The following CAND2 variants were observed in gnomAD, a reference collection of about 807,000 sequenced individuals.
CAND2 encodes cullin-associated NEDD8-dissociated protein 2.
A neutral mutation model predicts 98.9 loss-of-function variants in CAND2; 62 were observed. That is an observed-to-expected ratio of 0.63 (90% CI 0.51 to 0.77). The LOEUF (loss-of-function observed/expected upper bound fraction) is 0.77, where lower values mean the gene tolerates loss of function less well. CAND2 is among the 30% of genes least tolerant of loss of function. CAND2 has a pLI of 0.00. For missense variants in CAND2, 1,501 were observed against 1,655.2 expected (o/e 0.91, Z 1.62); for synonymous variants, 770 against 731.9 (o/e 1.05, Z -0.84).
In CAND2 at chr3:12,797,686, G is replaced by A. The variant is rs1346997214; in HGVS notation, c.68+898G>A. On this transcript the variant is annotated intron_variant, in intron 1 of 14. Coordinates refer to ENST00000456430, the MANE Select transcript of CAND2 (RefSeq NM_001162499.2). ...CCCCTCCAGCTGAAAGAAGACCTTG[G>A]AGACTCAATGAACATTTTTTCACTT... 2.0e-5 allele frequency among the ~76,000 whole-genome samples: 3 copies of A among 152,162 alleles called. No individual in the cohort carries two copies. In the East Asian group the frequency reaches 5.8e-4, roughly 29 times the overall value.
At chr3:12,831,430 C>T (rs765470902) in intron 13 of CAND2, 35 bp from the exon 14 acceptor site, 8 of 1,558,346 alleles carry the variant, frequency 5.1e-6, no homozygotes, top group Non-Finnish European at 7.1e-6. Context: ...GCTCCTGCAC[C>T]ATTTCACTAA....
intron 11 of CAND2, 97 bp downstream of exon 11, chr3:12,820,278 G>A (rs2061946903): frequency 1.1e-6 from 1 of 869,770 alleles, no homozygotes; most frequent in Non-Finnish European, 1.8e-6. Flanking sequence ...AAGGGCAATG[G>A]GAGACCCGGG....
At chr3:12,831,281 T>C (rs2062051798) in intron 13 of CAND2, among the ~76,000 whole-genome samples, 184 bp from the exon 14 acceptor site, 1 of 152,052 alleles carries the variant, frequency 6.6e-6, no homozygotes, top group Non-Finnish European at 1.5e-5. Context: ...CAAGTGTAGT[T>C]GGCAAAGAAA....
Position 12,815,460 on chromosome 3 carries a change from A to AC in CAND2, c.1299+32dup. On this transcript the variant is annotated intron_variant, in intron 8 of 14. Transcript: ENST00000456430. This position sits in a 1 kb window ranked among gnomAD's most constrained non-coding sequence, Gnocchi z 5.7. ...TGGGCGTGCCTTCACCTCCACCCCT[A>AC]CCCCCGATTTGCCTACCCAGCCACT... 1 of 1,562,094 alleles carries AC rather than the reference A, an allele frequency of 6.4e-7. No homozygotes were observed. Among genetic ancestry groups the AC allele is most frequent in the South Asian group, 1.2e-5 (1 of 85,478 alleles).
chr3:12,820,176 T>G lies in CAND2; in HGVS notation c.3035T>G (p.Phe1012Cys), dbSNP rs1223290529. The change falls in exon 11 of 15, where the codon TTC becomes TGC. Residue 1012 changes from phenylalanine (F) to cysteine (C), a missense_variant. Physicochemically the swap from Phe to Cys is radical, Grantham distance 205. Coordinates refer to ENST00000456430, the MANE Select transcript of CAND2 (RefSeq NM_001162499.2). ...PHPIDPLLKS[F>C]IGEFMESLQD... is the part of the protein sequence containing the mutation. ...CCCATTGACCCCCTCCTGAAGAGCTTCATCGGTGAGCACCTACCTCTTGCC... is the reference window on the plus strand; with the variant it reads ...CCCATTGACCCCCTCCTGAAGAGCTGCATCGGTGAGCACCTACCTCTTGCC... 6.2e-7 allele frequency: 1 copy of G among 1,613,026 alleles called. No individual in the cohort carries two copies. Among genetic ancestry groups the G allele is most frequent in the Non-Finnish European group, 8.5e-7 (1 of 1,179,172 alleles).
chr3:12,796,984 C>T (rs1465029608), intron 1 of CAND2, among the ~76,000 whole-genome samples, 196 bp downstream of exon 1: 4 of 151,886 alleles, frequency 2.6e-5, no homozygotes, highest in African/African-American at 9.7e-5. Context: ...GGCCGTTCTC[C>T]CCTAGGGGCC....
intron 2 of CAND2, among the ~76,000 whole-genome samples, chr3:12,805,291 C>CTTT (rs1188131385): frequency 7.1e-6 from 1 of 140,536 alleles, no homozygotes; most frequent in South Asian, 2.3e-4. Flanking sequence ...TTTTTTTCTT[C>CTTT]TTTTTTTTTT....
intron 12 of CAND2, 92 bp downstream of exon 12, chr3:12,825,731 G>A: frequency 2.9e-6 from 4 of 1,363,188 alleles, no homozygotes; most frequent in Non-Finnish European, 4.0e-6. Flanking sequence ...ATCAGAGCAG[G>A]TGCCGGGGCC....
At chr3:12,805,944 G>T (rs567480322) in intron 2 of CAND2, among the ~76,000 whole-genome samples, 1 of 152,172 alleles carries the variant, frequency 6.6e-6, no homozygotes, top group East Asian at 1.9e-4. Flanking sequence ...AATTGCCAAG[G>T]TGGTATTACT....
intron 1 of CAND2, among the ~76,000 whole-genome samples, chr3:12,799,581 C>T (rs140154364): frequency 6.6e-6 from 1 of 152,244 alleles, no homozygotes; most frequent in East Asian, 1.9e-4. Context: ...GCTGTAAGTT[C>T]TGTTAAGGGC....
chr3:12,833,689 G>A, intron 14 of CAND2, 66 bp from the exon 15 acceptor site: 1 of 1,280,814 alleles, frequency 7.8e-7, no homozygotes. Context: ...CCAAAGACCA[G>A]TGAGGAGGCA....
At position 12,817,394 on chromosome 3, in the gene CAND2, G is replaced by A. The variant is rs767283334; in HGVS notation, c.2462G>A (p.Ser821Asn). The A allele has an allele frequency of 3.1e-6, 5 of 1,613,780 alleles. No individual in the cohort carries two copies. Among genetic ancestry groups the A allele is most frequent in the Non-Finnish European group, 4.2e-6 (5 of 1,180,032 alleles). The change falls in exon 10 of 15, where the codon AGC becomes AAC. Residue 821 changes from serine (S) to asparagine (N), a missense_variant. Physicochemically the swap from Ser to Asn is conservative, Grantham distance 46. Transcript: ENST00000456430. ...GCTGCCTGTCCCCAAGAGGCGGCAA[G>A]CACAGCCAGTCGCCTGGTCTGCGAT... ...LSAACPQEAA[S>N]TASRLVCDAR...
intron 12 of CAND2, among the ~76,000 whole-genome samples, chr3:12,825,918 C>T (rs1274399623): frequency 6.6e-6 from 1 of 152,212 alleles, no homozygotes; most frequent in East Asian, 1.9e-4. Context: ...TTCAGAACCA[C>T]CGCAGGCACA....
chr3:12,820,238 G>T lies in CAND2; in HGVS notation c.3040+57G>T, dbSNP rs766833111. On this transcript the variant is annotated intron_variant, in intron 11 of 14. Transcript: ENST00000456430. The stretch of plus-strand genomic sequence containing the variant: ...TTCAGTGCCCCCACCCAGTCCTTGA[G>T]CTTGGGCTGATGTTTACTACCCAAT... The T allele has an allele frequency of 4.4e-6, 6 of 1,354,890 alleles. No homozygotes were observed. In the East Asian group the frequency reaches 1.2e-4, roughly 26 times the overall value. The allele number at this position is 1,354,890 out of a possible 1,614,324, so 83.9% of individuals were successfully genotyped here.
At chr3:12,821,299 C>CT (rs1052930225) in intron 11 of CAND2, among the ~76,000 whole-genome samples, 1 of 151,810 alleles carries the variant, frequency 6.6e-6, no homozygotes, top group Non-Finnish European at 1.5e-5. Flanking sequence ...GTTTGAGAGA[C>CT]TGAGGCAAAA....
chr3:12,797,235 C>T (rs1177224923), intron 1 of CAND2, among the ~76,000 whole-genome samples: 1 of 149,686 alleles, frequency 6.7e-6, no homozygotes, highest in African/African-American at 2.5e-5. Context: ...CCTGGGGACC[C>T]CAGCACCTGC....
At position 12,817,583 on chromosome 3, in the gene CAND2, C is replaced by T. The variant is rs373807883; in HGVS notation, c.2651C>T (p.Ala884Val). 4.7e-5 allele frequency: 76 copies of T among 1,613,808 alleles called. No individual in the cohort carries two copies. Among genetic ancestry groups the T allele is most frequent in the Non-Finnish European group, 6.0e-5 (71 of 1,180,024 alleles). Residue 884 changes from alanine to valine, a missense_variant, in exon 10 of 15, where the codon GCA (alanine) becomes GTA (valine). Ala to Val is a moderately conservative substitution (Grantham distance 64). Coordinates refer to ENST00000456430, the MANE Select transcript of CAND2 (RefSeq NM_001162499.2). ...GATGTGAGGGCTGCAGCCTCGTATG[C>T]ACTGGGCCGTGTGGGTGCTGGCAGC... ...SEDVRAAASY[A>V]LGRVGAGSLP...
At chr3:12,798,275 C>A (rs2061741508) in intron 1 of CAND2, among the ~76,000 whole-genome samples, 1 of 151,812 alleles carries the variant, frequency 6.6e-6, no homozygotes, top group Admixed American at 6.6e-5. Context: ...TCTCCCTTGA[C>A]CTCCTCCCTT....
chr3:12,814,180 G>A (rs967114459), intron 7 of CAND2, among the ~76,000 whole-genome samples: 7 of 152,214 alleles, frequency 4.6e-5, no homozygotes, highest in African/African-American at 1.4e-4. Flanking sequence ...CCCGGTGGCC[G>A]TGGCCCACTG....
Sources: allele counts gnomAD v4.1 joint callset (sites outside exome capture counted in the v4.1 genomes callset), GRCh38; gene constraint gnomAD v4.1.1; non-coding constraint Gnocchi (gnomAD v3.1); transcripts MANE v1.5; gene names NCBI Gene and HGNC (gene_info 2026-07-23, HGNC 2026-07-21).